ACMSD: variants seen among roughly 807,000 people sequenced by gnomAD.
The protein encoded by ACMSD is aminocarboxymuconate semialdehyde decarboxylase.
In ACMSD, 37 loss-of-function variants were observed where a neutral mutation model predicts 45.9. The ratio of observed to expected loss-of-function variants is 0.81; its 90% CI spans 0.62 to 1.06. ACMSD has a LOEUF of 1.06. ACMSD is among the 50% of genes least tolerant of loss of function. The pLI, the probability that ACMSD is intolerant of heterozygous loss-of-function variation, is 0.00. For missense variants in ACMSD, 434 were observed against 420.9 expected (o/e 1.03, Z -0.27); for synonymous variants, 138 against 148.8 (o/e 0.93, Z 0.53).
chr2:134,842,438 G>C (rs141435255), intron 1 of ACMSD, among the ~76,000 whole-genome samples: 3 of 152,158 alleles, frequency 2.0e-5, no homozygotes, highest in Admixed American at 2.0e-4. Context: ...TCTATTTGGG[G>C]TTGGAATAAG....
intron 2 of ACMSD, among the ~76,000 whole-genome samples, chr2:134,849,019 G>T (rs1016992954): frequency 6.6e-6 from 1 of 152,122 alleles, no homozygotes; most frequent in African/African-American, 2.4e-5. Context: ...CTGGCCTCAA[G>T]TCTCTCCGAG....
rs1491364344 is a variant in ACMSD, at chr2:134,871,682, G to GACAGACACACAC, written c.676+625_676+626insGACACACACACA. On this transcript the variant is annotated intron_variant, in intron 7 of 9. Transcript: ENST00000356140. ...TGAATTTGTGACCCTTCAACAGACA[G>GACAGACACACAC]ACACACACACACACACACACACACA... Among the ~76,000 whole-genome samples the GACAGACACACAC allele has an allele frequency of 3.2e-4, 44 of 139,002 alleles. No homozygotes were observed. In the Middle Eastern group the frequency reaches 0.011, roughly 34 times the overall value. The allele number at this position is 139,002 out of a possible 152,430, so 91.2% of individuals were successfully genotyped here.
intron 8 of ACMSD, chr2:134,877,508 G>A (rs1327535533): frequency 6.6e-6 from 1 of 152,298 alleles, no homozygotes; most frequent in South Asian, 2.1e-4. Context: ...TTACATTCAA[G>A]GTGGATTTTA....
intron 1 of ACMSD, among the ~76,000 whole-genome samples, chr2:134,844,204 C>T (rs1686947757): frequency 6.6e-6 from 1 of 152,112 alleles, no homozygotes; most frequent in Non-Finnish European, 1.5e-5. Context: ...ATGCATGATC[C>T]CCAGGCGGAA....
chr2:134,874,349 G>A (rs1216706287), intron 8 of ACMSD, among the ~76,000 whole-genome samples: 2 of 152,174 alleles, frequency 1.3e-5, no homozygotes, highest in African/African-American at 4.8e-5. Flanking sequence ...CCAGGACATA[G>A]AAGCGGTATA....
At chr2:134,868,106 G>A (rs983132594) in intron 6 of ACMSD, among the ~76,000 whole-genome samples, 1 of 152,112 alleles carries the variant, frequency 6.6e-6, no homozygotes, top group East Asian at 1.9e-4. Context: ...TTTTTTAGAC[G>A]ATGATAATAG....
At chr2:134,889,898 A>C (rs1342160781) in intron 8 of ACMSD, among the ~76,000 whole-genome samples, 1 of 152,124 alleles carries the variant, frequency 6.6e-6, no homozygotes, top group Non-Finnish European at 1.5e-5. Flanking sequence ...ATGAGTCCAA[A>C]ATGATATAAA....
chr2:134,874,225 C>A (rs1455353428), intron 8 of ACMSD, among the ~76,000 whole-genome samples: 8 of 152,146 alleles, frequency 5.3e-5, no homozygotes, highest in East Asian at 1.9e-4. Flanking sequence ...AGGTACTTTA[C>A]AAACTTCTTG....
chr2:134,891,146 C>A (rs1021598507), intron 8 of ACMSD, among the ~76,000 whole-genome samples: 7 of 151,842 alleles, frequency 4.6e-5, no homozygotes, highest in African/African-American at 1.7e-4. Context: ...GAATTAAGTT[C>A]CATTTGTCTA....
intron 1 of ACMSD, among the ~76,000 whole-genome samples, chr2:134,842,395 T>C (rs558629777): frequency 6.6e-6 from 1 of 152,268 alleles, no homozygotes; most frequent in South Asian, 2.1e-4. Flanking sequence ...GCTCTTTTCT[T>C]CATGGCTCTC....
chr2:134,843,136 C>T (rs1686883168), intron 1 of ACMSD, among the ~76,000 whole-genome samples: 2 of 152,146 alleles, frequency 1.3e-5, no homozygotes, highest in Admixed American at 6.5e-5. Context: ...ATATTCCATT[C>T]CTCCCCCAAC....
At chr2:134,886,372 T>C (rs1054963969) in intron 8 of ACMSD, among the ~76,000 whole-genome samples, 3 of 149,508 alleles carry the variant, frequency 2.0e-5, no homozygotes, top group Non-Finnish European at 4.4e-5. Flanking sequence ...CCTCAGCCTC[T>C]CGAGTAGCTG....
chr2:134,845,461 G>T lies in ACMSD; in HGVS notation c.102+184G>T, dbSNP rs1242019050. 3.3e-5 allele frequency among the ~76,000 whole-genome samples: 5 copies of T among 150,634 alleles called. No individual in the cohort carries two copies. In the East Asian group the frequency reaches 9.8e-4, roughly 30 times the overall value. ...TGGGAAAAATGGAGGTGACTTCAAA[G>T]AGTAGTATTTAGGAAGATAAAATTG... On this transcript the variant is annotated intron_variant, in intron 2 of 9. Coordinates refer to ENST00000356140, the MANE Select transcript of ACMSD (RefSeq NM_138326.3).
At chr2:134,878,051 C>T (rs1383544242) in intron 8 of ACMSD, among the ~76,000 whole-genome samples, 1 of 152,160 alleles carries the variant, frequency 6.6e-6, no homozygotes, top group East Asian at 1.9e-4. Flanking sequence ...GATTTTGTTG[C>T]TTAGATGAAC....
intron 8 of ACMSD, among the ~76,000 whole-genome samples, chr2:134,886,478 G>A (rs1689468605): frequency 6.6e-6 from 1 of 151,862 alleles, no homozygotes; most frequent in Admixed American, 6.6e-5. Flanking sequence ...TCGATCTCCT[G>A]ACCTCGTGAT....
chr2:134,896,879 T>C (rs1001088966), intron 8 of ACMSD, among the ~76,000 whole-genome samples: 3 of 152,148 alleles, frequency 2.0e-5, no homozygotes, highest in South Asian at 4.1e-4. Flanking sequence ...ATTCCATTTA[T>C]GTGAAATGTA....
chr2:134,866,655 T>C (rs1365867968), intron 5 of ACMSD, among the ~76,000 whole-genome samples: 2 of 152,206 alleles, frequency 1.3e-5, no homozygotes, highest in African/African-American at 4.8e-5. Context: ...AACATTTATG[T>C]ATGAGGGTAG....
chr2:134,841,438 C>T (rs998997483), intron 1 of ACMSD, among the ~76,000 whole-genome samples: 1 of 151,956 alleles, frequency 6.6e-6, no homozygotes, highest in African/African-American at 2.4e-5. Context: ...TGATAATGGA[C>T]GGGGATTTGA....
intron 8 of ACMSD, among the ~76,000 whole-genome samples, chr2:134,886,780 A>AC (rs1422260854): frequency 4.6e-5 from 7 of 152,334 alleles, no homozygotes; most frequent in East Asian, 3.9e-4. Context: ...AAAAAGGCAT[A>AC]CATACAAAGA....
Sources: allele counts gnomAD v4.1 joint callset (sites outside exome capture counted in the v4.1 genomes callset), GRCh38; gene constraint gnomAD v4.1.1; transcripts MANE v1.5; gene names NCBI Gene and HGNC (gene_info 2026-07-23, HGNC 2026-07-21).